The following TMEM132D variants were observed in gnomAD, a reference collection of about 807,000 sequenced individuals.
The protein encoded by TMEM132D is mature OL transmembrane protein.
TMEM132D carries 21 observed loss-of-function variants against 62.3 expected under a neutral mutation model. The observed-to-expected ratio is 0.34, with a 90% CI of 0.24 to 0.49. The LOEUF is 0.49. Ranked by LOEUF, TMEM132D falls within the 20% of genes least tolerant of loss-of-function variation. TMEM132D has a pLI of 0.99. For synonymous variants in TMEM132D, 621 were observed against 575.6 expected (o/e 1.08, Z -1.13); for missense variants, 1,346 against 1,402.8 (o/e 0.96, Z 0.65).
chr12:129,538,633 TAAA>T (rs1876479686), intron 2 of TMEM132D, among the ~76,000 whole-genome samples: 1 of 89,354 alleles, frequency 1.1e-5, no homozygotes, highest in African/African-American at 3.4e-5. Flanking sequence ...TAACTAATAA[TAAA>T]ATAGAACAAT....
At chr12:129,540,690 C>G (rs934420364) in intron 2 of TMEM132D, among the ~76,000 whole-genome samples, 3 of 152,114 alleles carry the variant, frequency 2.0e-5, no homozygotes, top group African/African-American at 7.2e-5. Context: ...TTTCACTATG[C>G]TGGCCAGGCT....
At chr12:129,132,890 T>G (rs1876420268) in intron 5 of TMEM132D, among the ~76,000 whole-genome samples, 1 of 152,114 alleles carries the variant, frequency 6.6e-6, no homozygotes, top group African/African-American at 2.4e-5. Context: ...GGAGAGAGCT[T>G]GCTGCAGAGA....
chr12:129,496,923 A>G (rs1454162371), intron 3 of TMEM132D, among the ~76,000 whole-genome samples: 1 of 152,222 alleles, frequency 6.6e-6, no homozygotes, highest in African/African-American at 2.4e-5. Flanking sequence ...TTGGGCCTCC[A>G]GCTCCCCACG....
At chr12:129,121,817 G>A (rs550575738) in intron 5 of TMEM132D, among the ~76,000 whole-genome samples, 5 of 152,190 alleles carry the variant, frequency 3.3e-5, no homozygotes, top group Non-Finnish European at 5.9e-5. Context: ...GACATTGGAC[G>A]AGGTGTAGAG....
intron 5 of TMEM132D, among the ~76,000 whole-genome samples, chr12:129,164,330 C>G (rs1171671167): frequency 6.6e-6 from 1 of 152,224 alleles, no homozygotes; most frequent in Non-Finnish European, 1.5e-5. Flanking sequence ...TTAAAACAGG[C>G]TTGTCCCCAA....
intron 4 of TMEM132D, among the ~76,000 whole-genome samples, chr12:129,226,292 A>T (rs1409466139): frequency 6.6e-6 from 1 of 152,240 alleles, no homozygotes; most frequent in Non-Finnish European, 1.5e-5. Flanking sequence ...TCTGGAGGAA[A>T]TGCCTGGCCA....
Position 129,644,244 on chromosome 12 carries a change from C to T in TMEM132D, c.968+55566G>A, listed in dbSNP as rs776700842. 3.9e-5 allele frequency among the ~76,000 whole-genome samples: 6 copies of T among 152,308 alleles called. No homozygotes were observed. In the East Asian group the frequency reaches 5.8e-4, roughly 15 times the overall value. On this transcript the variant is annotated intron_variant, in intron 2 of 8. Transcript: ENST00000422113. ...ATCAGGAATTCCTGAGGCTGTGTCA[C>T]GGGCATGCACCCTCAACCTTGGCAA...
intron 1 of TMEM132D, among the ~76,000 whole-genome samples, chr12:129,768,712 G>A (rs1416255090): frequency 6.6e-6 from 1 of 152,144 alleles, no homozygotes; most frequent in Non-Finnish European, 1.5e-5. Flanking sequence ...TGATGGCCCT[G>A]TCAGCAGCTC....
At chr12:129,303,237 T>A (rs1881769264) in intron 4 of TMEM132D, among the ~76,000 whole-genome samples, 1 of 15,314 alleles carries the variant, frequency 6.5e-5, no homozygotes, top group African/African-American at 3.4e-4. Flanking sequence ...GCCGGGACTC[T>A]GCAGAGCCTC....
At chr12:129,668,127 G>A (rs181421151) in intron 2 of TMEM132D, among the ~76,000 whole-genome samples, 101 of 151,128 alleles carry the variant, frequency 6.7e-4, no homozygotes, top group African/African-American at 1.7e-3. Context: ...ATAGAAAAGC[G>A]AATGGCATCT....
intron 3 of TMEM132D, among the ~76,000 whole-genome samples, chr12:129,359,326 C>T (rs1017641808): frequency 1.2e-4 from 19 of 152,030 alleles, no homozygotes; most frequent in Admixed American, 5.9e-4. Context: ...GAAAATGTTT[C>T]GGTGGTGATG....
intron 3 of TMEM132D, among the ~76,000 whole-genome samples, chr12:129,380,092 C>A (rs1870894878): frequency 6.6e-6 from 1 of 152,016 alleles, no homozygotes; most frequent in South Asian, 2.1e-4. Context: ...TAACTTTTGT[C>A]TTATTGGTGA....
intron 1 of TMEM132D, among the ~76,000 whole-genome samples, chr12:129,714,039 T>G (rs1203518025): frequency 6.6e-6 from 1 of 152,204 alleles, no homozygotes; most frequent in Non-Finnish European, 1.5e-5. Context: ...CACCTCTGAC[T>G]GTGGCATCCT....
At chr12:129,564,509 G>A (rs1003640222) in intron 2 of TMEM132D, among the ~76,000 whole-genome samples, 8 of 152,154 alleles carry the variant, frequency 5.3e-5, no homozygotes, top group African/African-American at 1.2e-4. Flanking sequence ...TATCTTGAGC[G>A]TCTGCTATTT....
At chr12:129,372,454 C>T (rs925466949) in intron 3 of TMEM132D, among the ~76,000 whole-genome samples, 1 of 152,184 alleles carries the variant, frequency 6.6e-6, no homozygotes, top group Non-Finnish European at 1.5e-5. Context: ...TCAGGATCAG[C>T]AGTGGCATTA....
At chr12:129,239,083 T>C (rs1879864890) in intron 4 of TMEM132D, among the ~76,000 whole-genome samples, 1 of 151,374 alleles carries the variant, frequency 6.6e-6, no homozygotes, top group African/African-American at 2.4e-5. Context: ...CCCCAATGAT[T>C]AAGGATGTTG....
At chr12:129,581,055 G>A (rs779884685) in intron 2 of TMEM132D, among the ~76,000 whole-genome samples, 28 of 152,174 alleles carry the variant, frequency 1.8e-4, no homozygotes, top group East Asian at 3.9e-4. Flanking sequence ...CAGGCCTGCC[G>A]GCAGGGGTCA....
At chr12:129,358,644 C>T (rs561550393) in intron 3 of TMEM132D, among the ~76,000 whole-genome samples, 68 of 152,260 alleles carry the variant, frequency 4.5e-4, no homozygotes, top group South Asian at 4.4e-3. Context: ...CATAAATTGG[C>T]AACTGTAAGA....
chr12:129,787,938 C>T (rs1368997623), intron 1 of TMEM132D, among the ~76,000 whole-genome samples: 2 of 152,208 alleles, frequency 1.3e-5, no homozygotes, highest in African/African-American at 4.8e-5. Flanking sequence ...GATGAGAGGG[C>T]AGGCTGGACA....
Sources: allele counts gnomAD v4.1 joint callset (sites outside exome capture counted in the v4.1 genomes callset), GRCh38; gene constraint gnomAD v4.1.1; transcripts MANE v1.5; gene names NCBI Gene and HGNC (gene_info 2026-07-23, HGNC 2026-07-21).